Variants in OR3A2 observed in about 807,000 individuals in gnomAD.
The protein encoded by OR3A2 is olfactory receptor family 3 subfamily A member 2.
For synonymous variants in OR3A2, 126 were observed against 159.3 expected (o/e 0.79, Z 1.57); for missense variants, 318 against 392.8 (o/e 0.81, Z 1.61).
chr17:3,362,578 C>T (rs977026458), intron 2 of OR3A2, among the ~76,000 whole-genome samples: 10 of 151,752 alleles, frequency 6.6e-5, no homozygotes, highest in Admixed American at 3.9e-4. Flanking sequence ...TCCCTCTACA[C>T]ACTGCTTTAA....
chr17:3,330,258 G>C (rs1022370488), intron 3 of OR3A2, among the ~76,000 whole-genome samples: 1 of 151,370 alleles, frequency 6.6e-6, no homozygotes, highest in Non-Finnish European at 1.5e-5. Flanking sequence ...TTCAATTCCT[G>C]GGTATCCTTG....
chr17:3,371,819 G>T (rs1319115219), intron 2 of OR3A2, among the ~76,000 whole-genome samples: 2 of 134,368 alleles, frequency 1.5e-5, no homozygotes, highest in South Asian at 2.4e-4. Flanking sequence ...TGGCCGGGCG[G>T]GGGGCTGACC....
intron 2 of OR3A2, among the ~76,000 whole-genome samples, chr17:3,363,460 C>CA (rs1296288779): frequency 2.6e-5 from 4 of 151,804 alleles, no homozygotes; most frequent in African/African-American, 9.7e-5. Context: ...TCCTCATCAC[C>CA]ATATGAGACC....
intron 2 of OR3A2, among the ~76,000 whole-genome samples, chr17:3,349,808 A>C (rs1020206193): frequency 5.9e-5 from 9 of 152,098 alleles, no homozygotes; most frequent in Non-Finnish European, 1.2e-4. Flanking sequence ...CAAATGTAAA[A>C]GAACAGAAAT....
chr17:3,328,070 G>A lies in OR3A2; in HGVS notation c.-85+7963C>T, dbSNP rs920381930. Among the ~76,000 whole-genome samples, 199 of 146,024 alleles carry A rather than the reference G, an allele frequency of 1.4e-3. 2 individuals carry two copies. The highest frequency in any genetic ancestry group is 4.9e-3 in the African/African-American group (184 of 37,898). ...TTTTTGGTTCCATATGAACTTTAAAGTAGTTTTTTCCAATTCTGTGAAGAA... is the reference window on the plus strand; with the variant it reads ...TTTTTGGTTCCATATGAACTTTAAAATAGTTTTTTCCAATTCTGTGAAGAA... On this transcript the variant is annotated intron_variant, in intron 3 of 4. Transcript: ENST00000573491.
chr17:3,307,816 C>T (rs1413645659), intron 3 of OR3A2, among the ~76,000 whole-genome samples: 1 of 152,138 alleles, frequency 6.6e-6, no homozygotes, highest in African/African-American at 2.4e-5. Context: ...GGAGGAAATC[C>T]TGACCTAGGC....
At chr17:3,342,990 C>T (rs2049332605) in intron 2 of OR3A2, among the ~76,000 whole-genome samples, 1 of 152,244 alleles carries the variant, frequency 6.6e-6, no homozygotes, top group African/African-American at 2.4e-5. Flanking sequence ...GCCAGGCTTG[C>T]CGCCTTGCAG....
At chr17:3,344,459 T>C (rs1047306159) in intron 2 of OR3A2, among the ~76,000 whole-genome samples, 30 of 152,082 alleles carry the variant, frequency 2.0e-4, no homozygotes, top group African/African-American at 7.0e-4. Flanking sequence ...TTCCCCACCA[T>C]ACAGCTAGAC....
chr17:3,356,060 G>T (rs953693589), intron 2 of OR3A2, among the ~76,000 whole-genome samples: 3 of 151,218 alleles, frequency 2.0e-5, no homozygotes, highest in African/African-American at 7.4e-5. Flanking sequence ...ATTTTAAACT[G>T]ATGACAGCTT....
In OR3A2 at chr17:3,334,793, G is replaced by A. The variant is rs534845004; in HGVS notation, c.-85+1240C>T. ...TCAAGTGTTATTTCTAGAGAAGAGT[G>A]TCATAGGCTTTTAAAAATTAGAGTT... On this transcript the variant is annotated intron_variant, in intron 3 of 4. Coordinates refer to the OR3A2 transcript ENST00000573491. 1.2e-4 allele frequency among the ~76,000 whole-genome samples: 19 copies of A among 152,326 alleles called. No individual in the cohort carries two copies. The South Asian group carries it at 3.3e-3, about 27-fold the overall frequency.
Position 3,277,911 on chromosome 17 carries a change from C to A in OR3A2, c.*59G>T. ...TGGCTGAATTTTTCCTGGTTACTGT[C>A]TTCATGGGAAATTTTCCTCAGTCCA... On this transcript the variant is annotated 3_prime_UTR_variant, in exon 2 of 2. Coordinates refer to ENST00000642052, the Ensembl canonical transcript of OR3A2. The A allele has an allele frequency of 2.0e-6, 3 of 1,518,652 alleles. No homozygotes were observed. In the South Asian group the frequency reaches 4.0e-5, roughly 20 times the overall value. The allele number at this position is 1,518,652 out of a possible 1,614,324, so 94.1% of individuals were successfully genotyped here. A position where few individuals can be genotyped will look rare whatever the true frequency, so the allele number is the denominator to read the frequency against.
intron 3 of OR3A2, among the ~76,000 whole-genome samples, chr17:3,323,079 G>A (rs142190447): frequency 3.3e-5 from 5 of 152,120 alleles, no homozygotes; most frequent in Admixed American, 2.0e-4. Flanking sequence ...ATATATTTAG[G>A]ATAGTTAGCT....
chr17:3,296,753 G>C (rs745536421), intron 3 of OR3A2, among the ~76,000 whole-genome samples: 35 of 152,066 alleles, frequency 2.3e-4, no homozygotes, highest in Non-Finnish European at 4.3e-4. Context: ...ATTGAAACAA[G>C]CTAATTACTA....
chr17:3,344,467 G>A (rs2150649563), intron 2 of OR3A2, among the ~76,000 whole-genome samples: 1 of 152,180 alleles, frequency 6.6e-6, no homozygotes, highest in South Asian at 2.1e-4. Flanking sequence ...CATACAGCTA[G>A]ACAATATCAT....
At chr17:3,291,509 T>C (rs2150621441) in intron 3 of OR3A2, 2 of 681,796 alleles carry the variant, frequency 2.9e-6, no homozygotes, top group South Asian at 2.1e-5. Context: ...TATTATTCCC[T>C]ACAAAAAGTC....
At chr17:3,359,616 G>T (rs1002714514) in intron 2 of OR3A2, among the ~76,000 whole-genome samples, 1 of 151,568 alleles carries the variant, frequency 6.6e-6, no homozygotes, top group African/African-American at 2.4e-5. Context: ...ATCTCTTCTG[G>T]CTTGTAGGGT....
At chr17:3,314,536 C>T (rs989506567) in intron 3 of OR3A2, among the ~76,000 whole-genome samples, 12 of 152,050 alleles carry the variant, frequency 7.9e-5, no homozygotes, top group African/African-American at 2.7e-4. Context: ...GAGGAAAACC[C>T]GTAAGCTGCA....
chr17:3,302,423 C>T (rs2048972376), intron 3 of OR3A2, among the ~76,000 whole-genome samples: 1 of 152,072 alleles, frequency 6.6e-6, no homozygotes, highest in Non-Finnish European at 1.5e-5. Context: ...AGAACACAGC[C>T]CTCAGAAATA....
intron 3 of OR3A2, among the ~76,000 whole-genome samples, chr17:3,297,534 T>C (rs1450073567): frequency 6.6e-6 from 1 of 151,838 alleles, no homozygotes; most frequent in East Asian, 1.9e-4. Context: ...CCCCATCTCA[T>C]ATTCCTGTCC....
Sources: allele counts gnomAD v4.1 joint callset (sites outside exome capture counted in the v4.1 genomes callset), GRCh38; gene constraint gnomAD v4.1.1; transcripts MANE v1.5; gene names NCBI Gene and HGNC (gene_info 2026-07-23, HGNC 2026-07-21).